Variants in MDGA2 observed in about 807,000 individuals in gnomAD.
MDGA2 encodes MAM domain containing glycosylphosphatidylinositol anchor 2.
In MDGA2, 40 loss-of-function variants were observed where a neutral mutation model predicts 117.8. The ratio of observed to expected loss-of-function variants is 0.34; its 90% CI spans 0.26 to 0.44. MDGA2 has a LOEUF of 0.44. Among genes scored for constraint, MDGA2 ranks in the 20% least tolerant of loss-of-function variants. The probability of loss-of-function intolerance (pLI) is 1.00; values close to 1 mark genes in which losing one functional copy is unlikely to be tolerated. For synonymous variants in MDGA2, 452 were observed against 439.0 expected, an observed-to-expected ratio of 1.03 and a Z score of -0.37; for missense variants, 1,123 against 1,250.6, an observed-to-expected ratio of 0.90 and a Z score of 1.54.
intron 7 of MDGA2, chr14:47,058,684 T>G: frequency 1.0e-6 from 1 of 985,348 alleles, no homozygotes; most frequent in Non-Finnish European, 1.2e-6. Context: ...AACTTTATAC[T>G]GCATTCTAGT....
intron 1 of MDGA2, among the ~76,000 whole-genome samples, chr14:47,558,223 A>G (rs1895724215): frequency 6.6e-6 from 1 of 152,184 alleles, no homozygotes; most frequent in Non-Finnish European, 1.5e-5. Context: ...TAAAAATAAC[A>G]TTACTCTTCA....
At position 47,129,233 on chromosome 14, in the gene MDGA2, T is replaced by G. The variant is rs186454302; in HGVS notation, c.925+2481A>C. On this transcript the variant is annotated intron_variant, in intron 5 of 16. Coordinates refer to ENST00000399232, the MANE Select transcript of MDGA2 (RefSeq NM_001113498.3). ...TAGCATTAGGTATATCTCCCAATGC[T>G]ATAGCTCCCCCCCCGACCCCACAAC... Among the ~76,000 whole-genome samples, 87 of 151,028 alleles carry G rather than the reference T, an allele frequency of 5.8e-4. 1 individual carries two copies. The Middle Eastern group carries it at 0.01, about 18-fold the overall frequency.
At chr14:47,341,429 A>C (rs967762870) in intron 1 of MDGA2, among the ~76,000 whole-genome samples, 2 of 152,192 alleles carry the variant, frequency 1.3e-5, no homozygotes, top group African/African-American at 2.4e-5. Flanking sequence ...AATGAAAACT[A>C]TTTAAAGTGT....
chr14:46,911,158 TAAAA>T (rs1883686247), intron 10 of MDGA2, among the ~76,000 whole-genome samples: 1 of 152,132 alleles, frequency 6.6e-6, no homozygotes, highest in Non-Finnish European at 1.5e-5. Flanking sequence ...AAAAGTTAAA[TAAAA>T]AAGATAAGTA....
chr14:46,927,083 T>A (rs924172823), intron 9 of MDGA2, among the ~76,000 whole-genome samples: 2 of 152,276 alleles, frequency 1.3e-5, no homozygotes, highest in Admixed American at 6.5e-5. Context: ...TTTCATTACC[T>A]CTTGAGATTC....
At chr14:47,128,777 C>G (rs993166837) in intron 5 of MDGA2, among the ~76,000 whole-genome samples, 5 of 151,568 alleles carry the variant, frequency 3.3e-5, no homozygotes, top group Non-Finnish European at 7.4e-5. Flanking sequence ...TCACTGCAAC[C>G]TCCACCTCCT....
intron 1 of MDGA2, among the ~76,000 whole-genome samples, chr14:47,500,818 G>A (rs1003601045): frequency 3.9e-5 from 6 of 151,938 alleles, no homozygotes; most frequent in African/African-American, 1.5e-4. Flanking sequence ...GTTAAAAAAA[G>A]AAAAAATATC....
intron 1 of MDGA2, among the ~76,000 whole-genome samples, chr14:47,522,353 A>ATGTATATATATGTATATATG (rs1566497049): frequency 6.8e-6 from 1 of 147,146 alleles, no homozygotes; most frequent in East Asian, 2.1e-4. Context: ...ATGTATATAT[A>ATGTATATATATGTATATATG]TGTATATATG....
chr14:46,950,229 G>A (rs17117783), intron 9 of MDGA2, among the ~76,000 whole-genome samples: 18,301 of 151,474 alleles, frequency 0.12, 2,110 homozygotes, highest in African/African-American at 0.28. Flanking sequence ...TTCAGATTTC[G>A]CATGGATTCC....
At chr14:46,875,133 G>A (rs1365459843) in intron 12 of MDGA2, among the ~76,000 whole-genome samples, 1 of 151,720 alleles carries the variant, frequency 6.6e-6, no homozygotes, top group Non-Finnish European at 1.5e-5. Flanking sequence ...GCAAAGGTCA[G>A]CTATTAAATG....
chr14:47,423,248 TCAAAAG>T (rs1892615573), intron 1 of MDGA2, among the ~76,000 whole-genome samples: 2 of 152,310 alleles, frequency 1.3e-5, no homozygotes, highest in Admixed American at 6.5e-5. Context: ...AATTAAAAAG[TCAAAAG>T]CATTTGCAAA....
chr14:47,674,695 G>A lies in MDGA2; in HGVS notation c.102C>T (p.His34=). The A allele has an allele frequency of 9.1e-7, 1 of 1,095,724 alleles. No homozygotes were observed. Among genetic ancestry groups the A allele is most frequent in the South Asian group, 1.3e-5 (1 of 75,012 alleles). 67.9% of individuals were successfully genotyped at this position (1,095,724 alleles called of 1,614,324 possible). A position where few individuals can be genotyped will look rare whatever the true frequency, so the allele number is the denominator to read the frequency against. The change falls in exon 1 of 17, where the codon CAC becomes CAT. Residue 34 remains histidine, a synonymous_variant. Coordinates refer to ENST00000399232, the MANE Select transcript of MDGA2 (RefSeq NM_001113498.3). ...CCACTCGCGCCCGGGCCAAGCCGAG[G>A]TGCCCGGGAACCGCTCGCCGAAGGA... ...RFLLRRAVPG[H]LGLARARVER...
chr14:47,252,165 T>C (rs1050798448), intron 2 of MDGA2, among the ~76,000 whole-genome samples: 1 of 152,054 alleles, frequency 6.6e-6, no homozygotes, highest in African/African-American at 2.4e-5. Flanking sequence ...GGAAAGTGGA[T>C]AGGGAACATA....
At chr14:47,585,779 A>C (rs17686922) in intron 1 of MDGA2, among the ~76,000 whole-genome samples, 39,995 of 151,728 alleles carry the variant, frequency 0.26, 6,160 homozygotes, top group Non-Finnish European at 0.35. Flanking sequence ...ATATTTTCCT[A>C]ATATTCCTAT....
intron 1 of MDGA2, among the ~76,000 whole-genome samples, chr14:47,609,337 T>C (rs1168275664): frequency 6.8e-6 from 1 of 146,724 alleles, no homozygotes; most frequent in Admixed American, 6.9e-5. Context: ...ATTCCTGAGT[T>C]ACTTCACATA....
intron 1 of MDGA2, among the ~76,000 whole-genome samples, chr14:47,620,935 C>T (rs1013464141): frequency 1.3e-5 from 2 of 152,152 alleles, no homozygotes; most frequent in African/African-American, 4.8e-5. Context: ...AGTCCAATTA[C>T]GACTGTAATC....
chr14:47,116,408 A>C (rs2139080097), intron 5 of MDGA2, among the ~76,000 whole-genome samples: 1 of 152,216 alleles, frequency 6.6e-6, no homozygotes, highest in Non-Finnish European at 1.5e-5. Context: ...AATAGAAAAA[A>C]AATTCTAAAA....
chr14:47,359,048 A>G (rs977457302), intron 1 of MDGA2, among the ~76,000 whole-genome samples: 1 of 152,178 alleles, frequency 6.6e-6, no homozygotes, highest in African/African-American at 2.4e-5. Flanking sequence ...AAGACATCAT[A>G]TGTCCTAATT....
chr14:47,526,460 T>C (rs781287012), intron 1 of MDGA2, among the ~76,000 whole-genome samples: 2 of 152,152 alleles, frequency 1.3e-5, no homozygotes, highest in Non-Finnish European at 2.9e-5. Context: ...CATAGTACTT[T>C]TGGGATCAAA....
Sources: gnomAD v4.1 joint callset for allele counts (sites outside exome capture counted in the v4.1 genomes callset) on GRCh38, gnomAD v4.1.1 for gene constraint, MANE v1.5 for transcripts, NCBI Gene and HGNC (gene_info 2026-07-23, HGNC 2026-07-21) for gene names.